ASAP1: variants seen among roughly 807,000 people sequenced by gnomAD.
ASAP1 encodes the protein ArfGAP with SH3 domain, ankyrin repeat and PH domain 1, also known as arf-GAP with SH3 domain, ANK repeat and PH domain-containing protein 1.
ASAP1 carries 43 observed loss-of-function variants against 145.2 expected under a neutral mutation model. That is an observed-to-expected ratio of 0.30 (90% CI 0.23 to 0.38). The LOEUF (loss-of-function observed/expected upper bound fraction) is 0.38. ASAP1 is among the 10% of genes least tolerant of loss of function. The probability of loss-of-function intolerance (pLI) is 1.00; values close to 1 mark genes in which losing one functional copy is unlikely to be tolerated. For synonymous variants in ASAP1, 546 were observed against 515.5 expected, an observed-to-expected ratio of 1.06 and a Z score of -0.80; for missense variants, 1,018 against 1,355.3, an observed-to-expected ratio of 0.75 and a Z score of 3.91.
intron 3 of ASAP1, among the ~76,000 whole-genome samples, chr8:130,296,814 A>G (rs1175334481): frequency 1.3e-5 from 2 of 151,852 alleles, no homozygotes; most frequent in Non-Finnish European, 2.9e-5. Context: ...TTGCTTTTAC[A>G]TATTTTCTAT....
Position 130,401,979 on chromosome 8 carries a change from G to T in ASAP1, c.-27-9C>A, listed in dbSNP as rs1212062968. On this transcript the variant is annotated splice_polypyrimidine_tract_variant and intron_variant, in intron 1 of 29. Coordinates refer to ENST00000518721, the MANE Select transcript of ASAP1 (RefSeq NM_018482.4). ...TCACATCAGAAAACGACCTGGATAGGGGGCAGGACAAAAAGGGGACAAGAG... is the reference window on the plus strand; with the variant it reads ...TCACATCAGAAAACGACCTGGATAGTGGGCAGGACAAAAAGGGGACAAGAG... The T allele has an allele frequency of 1.3e-6, 2 of 1,591,384 alleles. No homozygotes were observed. Among genetic ancestry groups the T allele is most frequent in the Non-Finnish European group, 8.6e-7 (1 of 1,163,856 alleles).
intron 3 of ASAP1, among the ~76,000 whole-genome samples, chr8:130,279,314 A>C (rs949403300): frequency 2.0e-5 from 3 of 152,104 alleles, no homozygotes; most frequent in African/African-American, 7.3e-5. Flanking sequence ...AGTCACCCAC[A>C]CCTTCTGCTG....
At chr8:130,262,412 AAAAAAGAGAGAGAGAGAGAGAGAGAG>A (rs1819968496) in intron 3 of ASAP1, among the ~76,000 whole-genome samples, 1 of 98,520 alleles carries the variant, frequency 1.0e-5, no homozygotes, top group East Asian at 3.3e-4. Flanking sequence ...AAAAAAAAAA[AAAAAAGAGAGAGAGAGAGAGAGAGAG>A]AGAGAGAGAG....
At chr8:130,308,149 T>C (rs1317358573) in intron 3 of ASAP1, among the ~76,000 whole-genome samples, 2 of 152,258 alleles carry the variant, frequency 1.3e-5, no homozygotes, top group African/African-American at 4.8e-5. Flanking sequence ...TGATAAATTT[T>C]ATAAGTTATG....
At chr8:130,061,476 C>T (rs2097419427) in intron 27 of ASAP1, among the ~76,000 whole-genome samples, 1 of 152,050 alleles carries the variant, frequency 6.6e-6, no homozygotes, top group South Asian at 2.1e-4. Context: ...TATCTAATAC[C>T]ATTTTAGCAA....
chr8:130,178,247 T>C (rs1024082951), intron 9 of ASAP1, among the ~76,000 whole-genome samples: 19 of 152,210 alleles, frequency 1.2e-4, no homozygotes, highest in African/African-American at 4.6e-4. Context: ...TTCTGGAAGG[T>C]CCTTCCATTA....
At chr8:130,218,975 A>G (rs911268510) in intron 4 of ASAP1, among the ~76,000 whole-genome samples, 2 of 152,100 alleles carry the variant, frequency 1.3e-5, no homozygotes, top group African/African-American at 2.4e-5. Flanking sequence ...AAAATATAAC[A>G]GTTTAGTAAG....
At chr8:130,070,834 A>G (rs1278818320) in intron 27 of ASAP1, among the ~76,000 whole-genome samples, 395 of 10,990 alleles carry the variant, frequency 0.036, 8 homozygotes, top group Non-Finnish European at 0.046. Context: ...AGAGAGGGAG[A>G]GAGAGGGAGA....
intron 27 of ASAP1, among the ~76,000 whole-genome samples, chr8:130,066,746 A>C (rs1039212493): frequency 8.5e-5 from 13 of 152,188 alleles, no homozygotes; most frequent in African/African-American, 3.1e-4. Flanking sequence ...TAGCACATTG[A>C]TGTAAACTGC....
chr8:130,407,624 C>A (rs1194608425), intron 1 of ASAP1, among the ~76,000 whole-genome samples: 3 of 152,222 alleles, frequency 2.0e-5, no homozygotes, highest in African/African-American at 7.2e-5. Flanking sequence ...AACCAGAATT[C>A]ATTACCATCA....
intron 18 of ASAP1, 47 bp downstream of exon 18, chr8:130,123,966 C>G (rs1303276189): frequency 7.3e-7 from 1 of 1,363,726 alleles, no homozygotes; most frequent in Non-Finnish European, 1.0e-6. Flanking sequence ...GGTAGAAAAA[C>G]AATTATAGAA....
Position 130,130,223 on chromosome 8 carries a change from C to T in ASAP1, c.1218-2133G>A, listed in dbSNP as rs1047669246. ...CAACCTGTAGAATCTTCTCACATGC[C>T]TCTAAGTTAGGGTTTATAATACTTT... On this transcript the variant is annotated intron_variant, in intron 15 of 29. Transcript: ENST00000518721. 3.9e-5 allele frequency among the ~76,000 whole-genome samples: 6 copies of T among 152,160 alleles called. No homozygotes were observed. In the East Asian group the frequency reaches 1.2e-3, roughly 29 times the overall value.
At chr8:130,081,903 A>T (rs2135335994) in intron 25 of ASAP1, among the ~76,000 whole-genome samples, 1 of 152,340 alleles carries the variant, frequency 6.6e-6, no homozygotes, top group Middle Eastern at 3.4e-3. Context: ...CATAGTAATT[A>T]TGCTTATGAG....
In ASAP1 at chr8:130,054,768, A is replaced by G; in HGVS notation, c.3353T>C (p.Val1118Ala). ...GATATGAACAAAGGACACTGGAAAG[A>G]CCCCCTTCCTTTCAGGCTGTCCTTC... is the stretch of plus-strand genomic sequence containing the variant. ...HIEGQPERKG[V>A]FPVSFVHILS... The change falls in exon 30 of 30, where the codon GTC becomes GCC. Residue 1118 changes from valine to alanine, a missense_variant. Coordinates refer to ENST00000518721, the MANE Select transcript of ASAP1 (RefSeq NM_018482.4). 1 of 1,613,486 alleles carries G rather than the reference A, an allele frequency of 6.2e-7. No homozygotes were observed. The highest frequency in any genetic ancestry group is 8.5e-7 in the Non-Finnish European group (1 of 1,179,672).
intron 11 of ASAP1, chr8:130,162,969 A>G (rs1183805566): frequency 6.4e-6 from 1 of 156,318 alleles, no homozygotes; most frequent in East Asian, 1.8e-4. Context: ...AAAACTATGT[A>G]TCTCTCGTGG....
intron 13 of ASAP1, 60 bp from the exon 14 acceptor site, chr8:130,137,098 CA>C: frequency 7.1e-7 from 1 of 1,409,084 alleles, no homozygotes; most frequent in Non-Finnish European, 1.0e-6. Flanking sequence ...TCTGCAGGTT[CA>C]GTGCCCTGTA....
intron 1 of ASAP1, among the ~76,000 whole-genome samples, chr8:130,406,419 G>A (rs1254781489): frequency 6.6e-6 from 1 of 151,486 alleles, no homozygotes; most frequent in Admixed American, 6.6e-5. Context: ...ACACATCTGG[G>A]TTAGAATCCA....
intron 3 of ASAP1, among the ~76,000 whole-genome samples, chr8:130,270,209 T>C (rs925388158): frequency 6.6e-6 from 1 of 152,128 alleles, no homozygotes; most frequent in African/African-American, 2.4e-5. Context: ...TAAAAAGTTA[T>C]CAAACATTTA....
intron 2 of ASAP1, among the ~76,000 whole-genome samples, chr8:130,391,551 A>G (rs926446135): frequency 2.6e-5 from 4 of 152,158 alleles, no homozygotes; most frequent in African/African-American, 9.7e-5. Context: ...TTGAGAAAAT[A>G]GCTTTGGAAA....
Sources: gnomAD v4.1 joint callset for allele counts (sites outside exome capture counted in the v4.1 genomes callset) on GRCh38, gnomAD v4.1.1 for gene constraint, MANE v1.5 for transcripts, NCBI Gene and HGNC (gene_info 2026-07-23, HGNC 2026-07-21) for gene names.